The following TUT7 variants were observed in gnomAD, a reference collection of about 807,000 sequenced individuals.
TUT7 encodes terminal uridylyl transferase 7.
In TUT7, 33 loss-of-function variants were observed where a neutral mutation model predicts 165.9. The observed-to-expected ratio is 0.20, with a 90% CI of 0.15 to 0.27. The LOEUF (loss-of-function observed/expected upper bound fraction) is 0.27, where lower values mean the gene tolerates loss of function less well. Ranked by LOEUF, TUT7 falls within the 10% of genes least tolerant of loss-of-function variation. The pLI, the probability that TUT7 is intolerant of heterozygous loss-of-function variation, is 1.00. For synonymous variants in TUT7, 552 were observed against 608.1 expected (o/e 0.91, Z 1.36); for missense variants, 1,338 against 1,762.3 (o/e 0.76, Z 4.31).
At position 86,325,494 on chromosome 9, in the gene TUT7, C is replaced by A. The variant is rs1829707005; in HGVS notation, c.1629G>T (p.Val543=). The A allele has an allele frequency of 6.2e-7, 1 of 1,613,550 alleles. No homozygotes were observed. Among genetic ancestry groups the A allele is most frequent in the African/African-American group, 1.3e-5 (1 of 74,882 alleles). The change falls in exon 12 of 27, where the codon GTG becomes GTT. Residue 543 remains valine (V), a synonymous_variant. Coordinates refer to ENST00000375963, the MANE Select transcript of TUT7 (RefSeq NM_024617.4). ...KRGQVSLILD[V]KHQPSVPVGQ... is the part of the protein sequence containing the mutation. The stretch of plus-strand genomic sequence containing the variant: ...CAACTGGTACTGAAGGCTGGTGTTT[C>A]ACATCCAATATTAATGACACCTATT...
At chr9:86,324,705 T>C (rs1022094387) in intron 12 of TUT7, 3 of 151,704 alleles carry the variant, frequency 2.0e-5, no homozygotes, top group African/African-American at 7.3e-5. Flanking sequence ...TCTAGAGGGG[T>C]TTCAACCTCC....
intron 12 of TUT7, 60 bp from the exon 13 acceptor site, chr9:86,324,020 GT>G: frequency 7.7e-7 from 1 of 1,304,504 alleles, no homozygotes; most frequent in Non-Finnish European, 1.0e-6. Flanking sequence ...TATATTTCAT[GT>G]TTTAAAAATT....
At chr9:86,305,090 G>T in intron 23 of TUT7, 102 bp downstream of exon 23, 2 of 1,274,722 alleles carry the variant, frequency 1.6e-6, no homozygotes, top group Non-Finnish European at 2.2e-6. Flanking sequence ...GAGCCCAGGA[G>T]TTTGAGACCA....
chr9:86,296,495 A>C (rs868006058), intron 26 of TUT7, among the ~76,000 whole-genome samples: 2 of 152,334 alleles, frequency 1.3e-5, no homozygotes, highest in African/African-American at 2.4e-5. Flanking sequence ...TTTTCTATCT[A>C]CTGTGATCTC....
At chr9:86,348,922 T>C (rs1006765759) in intron 2 of TUT7, among the ~76,000 whole-genome samples, 1 of 152,106 alleles carries the variant, frequency 6.6e-6, no homozygotes, top group Non-Finnish European at 1.5e-5. Context: ...TTCACAGGCA[T>C]GCATGGTAAA....
At chr9:86,336,247 G>C (rs1047680325) in intron 10 of TUT7, among the ~76,000 whole-genome samples, 2 of 152,120 alleles carry the variant, frequency 1.3e-5, no homozygotes, top group African/African-American at 4.8e-5. Context: ...AAACTTCAAA[G>C]ACTTTCACAC....
Position 86,303,089 on chromosome 9 carries a change from C to G in TUT7, c.4091G>C (p.Arg1364Thr). Reference sequence around the variant, plus strand: ...ACCCCTTTGAACATTTACTTACTTTCTCCTCATAGGACAGTCCTTCATGAA... The same window carrying G: ...ACCCCTTTGAACATTTACTTACTTTGTCCTCATAGGACAGTCCTTCATGAA... Reference protein sequence around the residue: ...GHFMKDCPMRRKVRRRRDQED... With the variant: ...GHFMKDCPMRTKVRRRRDQED... The change falls in exon 25 of 27, where the codon AGA (arginine) becomes ACA (threonine). Residue 1364 changes from arginine to threonine, a missense_variant. Arg to Thr is a moderately conservative substitution (Grantham distance 71). This residue lies in a region of TUT7 where 167 missense variants were observed against 204.9 expected (regional missense o/e 0.82). Coordinates refer to ENST00000375963, the MANE Select transcript of TUT7 (RefSeq NM_024617.4). The G allele has an allele frequency of 6.6e-7, 1 of 1,521,796 alleles. No homozygotes were observed. Among genetic ancestry groups the G allele is most frequent in the Non-Finnish European group, 8.9e-7 (1 of 1,119,442 alleles). The allele number at this position is 1,521,796 out of a possible 1,614,324, so 94.3% of individuals were successfully genotyped here. A position where few individuals can be genotyped will look rare whatever the true frequency, so the allele number is the denominator to read the frequency against.
intron 10 of TUT7, among the ~76,000 whole-genome samples, chr9:86,332,629 T>C (rs973780581): frequency 5.3e-5 from 8 of 152,164 alleles, no homozygotes; most frequent in Non-Finnish European, 7.4e-5. Flanking sequence ...TAAAATAATC[T>C]GTCCAATAAA....
chr9:86,336,799 G>T (rs1373143049), intron 10 of TUT7: 1 of 152,136 alleles, frequency 6.6e-6, no homozygotes, highest in Non-Finnish European at 1.5e-5. Context: ...CTTTCAGATG[G>T]TCTCTTCTTA....
chr9:86,352,735 A>C lies in TUT7; in HGVS notation c.465T>G (p.Phe155Leu), dbSNP rs1276842358. 6.2e-7 allele frequency: 1 copy of C among 1,614,202 alleles called. No homozygotes were observed. Among genetic ancestry groups the C allele is most frequent in the Non-Finnish European group, 8.5e-7 (1 of 1,180,030 alleles). Reference sequence around the variant, plus strand: ...TTTCTAGGCTTGTTAGGTCTTTATGAAACAGTCGTCTTACAGTTCTGCAGC... The same window carrying C: ...TTTCTAGGCTTGTTAGGTCTTTATGCAACAGTCGTCTTACAGTTCTGCAGC... ...TRGCRTVRRL[F>L]HKDLTSLETT... Residue 155 changes from phenylalanine to leucine, a missense_variant, in exon 2 of 27, where the codon TTT becomes TTG. By Grantham distance (22) the Phe-to-Leu change is conservative. This residue lies in a region of TUT7 where 434 missense variants were observed against 480.8 expected (regional missense o/e 0.90). Coordinates refer to ENST00000375963, the MANE Select transcript of TUT7 (RefSeq NM_024617.4).
At chr9:86,317,840 C>T (rs759524972) in intron 16 of TUT7, among the ~76,000 whole-genome samples, 86 of 152,200 alleles carry the variant, frequency 5.7e-4, no homozygotes, top group Admixed American at 3.0e-3. Context: ...ACTCAACATA[C>T]GCCTTTTTGA....
rs1341161992 is a variant in TUT7, at chr9:86,345,674, T to C, written c.814A>G (p.Ile272Val). The C allele has an allele frequency of 1.9e-6, 3 of 1,606,868 alleles. No homozygotes were observed. Among genetic ancestry groups the C allele is most frequent in the East Asian group, 2.2e-5 (1 of 44,850 alleles). ...HIKEKRHKKN[I>V]KEKQEEELLT... is the part of the protein sequence containing the mutation. The stretch of plus-strand genomic sequence containing the variant: ...TTGGGTTACATTCAATTTACCTTAA[T>C]GTTTTTCTTGTGCCTCTTTTCCTTG... Residue 272 changes from isoleucine (I) to valine (V), a missense_variant, in exon 4 of 27, where the codon ATT (isoleucine) becomes GTT (valine). Physicochemically the swap from Ile to Val is conservative, Grantham distance 29 (BLOSUM62 3). Coordinates refer to ENST00000375963, the MANE Select transcript of TUT7 (RefSeq NM_024617.4).
At chr9:86,324,005 G>T in intron 12 of TUT7, 45 bp from the exon 13 acceptor site, 1 of 1,389,578 alleles carries the variant, frequency 7.2e-7, no homozygotes, top group Non-Finnish European at 9.5e-7. Context: ...CTCTTCATAT[G>T]TTACTATATT....
chr9:86,351,306 T>C (rs1268198469), intron 2 of TUT7, among the ~76,000 whole-genome samples: 1 of 152,096 alleles, frequency 6.6e-6, no homozygotes, highest in East Asian at 1.9e-4. Context: ...TGTGGTGGCA[T>C]GTGCCTGTAG....
rs1324425180 is a variant in TUT7 at position 86,288,146 on chromosome 9, T to A, written c.*531A>T. On this transcript the variant is annotated 3_prime_UTR_variant, in exon 27 of 27. Transcript: ENST00000375963. The stretch of plus-strand genomic sequence containing the variant: ...GAAGGCCCACATAAATAGGTACTCA[T>A]GTTCATGTTATCACGTCTACAAATA... The A allele has an allele frequency of 6.6e-6, 1 of 152,296 alleles. No individual in the cohort carries two copies. Among genetic ancestry groups the A allele is most frequent in the Non-Finnish European group, 1.5e-5 (1 of 68,094 alleles). The allele number at this position is 152,296 out of a possible 1,614,324, so 9.4% of individuals were successfully genotyped here.
intron 20 of TUT7, 52 bp downstream of exon 20, chr9:86,309,411 C>T: frequency 6.5e-7 from 1 of 1,527,342 alleles, no homozygotes; most frequent in Non-Finnish European, 9.0e-7. Flanking sequence ...AGGAGAAAGG[C>T]TCAGAGATCA....
chr9:86,346,531 G>C, intron 2 of TUT7, 51 bp from the exon 3 acceptor site: 2 of 1,555,080 alleles, frequency 1.3e-6, no homozygotes. Context: ...TGCCACTCCT[G>C]AGTAAAAAGC....
Position 86,325,317 on chromosome 9 carries a change from T to C in TUT7, c.1789+17A>G. The C allele has an allele frequency of 6.2e-7, 1 of 1,610,412 alleles. No individual in the cohort carries two copies. Among genetic ancestry groups the C allele is most frequent in the Non-Finnish European group, 8.5e-7 (1 of 1,177,406 alleles). ...AAAAAAAGAGTGGGGGGGAATAAGA[T>C]AAACATTTTGAGATACCTTCAATGG... On this transcript the variant is annotated intron_variant, in intron 12 of 26. Coordinates refer to ENST00000375963, the MANE Select transcript of TUT7 (RefSeq NM_024617.4).
rs1052471816 is a variant in TUT7, at chr9:86,311,609, G to T, written c.3275-800C>A. Among the ~76,000 whole-genome samples the T allele has an allele frequency of 4.7e-5, 4 of 85,816 alleles. No homozygotes were observed. Among genetic ancestry groups the T allele is most frequent in the African/African-American group, 2.1e-4 (4 of 19,262 alleles). The allele number at this position is 85,816 out of a possible 152,430, so 56.3% of individuals were successfully genotyped here. ...CCTCTTCCCTCTCCCCTCTCCCCAC[G>T]GTCTCCCTCTCCCTCTCTTTCCACG... On this transcript the variant is annotated intron_variant, in intron 17 of 26. Transcript: ENST00000375963. The surrounding 1 kb of genome is among the most constrained non-coding windows in gnomAD (Gnocchi z 4.4).
Sources: gnomAD v4.1 joint callset for allele counts (sites outside exome capture counted in the v4.1 genomes callset) on GRCh38, gnomAD v4.1.1 for gene constraint, gnomAD v4.1.1 regional missense constraint, Gnocchi (gnomAD v3.1) non-coding constraint, MANE v1.5 for transcripts, NCBI Gene and HGNC (gene_info 2026-07-23, HGNC 2026-07-21) for gene names.